The following MUC4 variants were observed in gnomAD, a reference collection of about 807,000 sequenced individuals.
MUC4 encodes the protein mucin 4, cell surface associated, also known as mucin-4.
MUC4 carries 202 observed loss-of-function variants against 257.9 expected under a neutral mutation model. The observed-to-expected ratio is 0.78, with a 90% confidence interval of 0.70 to 0.88. The LOEUF is 0.88. Ranked by LOEUF, MUC4 falls within the 40% of genes least tolerant of loss-of-function variation. The probability of loss-of-function intolerance (pLI) is 0.00; values close to 1 mark genes in which losing one functional copy is unlikely to be tolerated. For synonymous variants in MUC4, 2,351 were observed against 2,757.1 expected (o/e 0.85, Z 4.62); for missense variants, 5,976 against 6,513.7 (o/e 0.92, Z 2.84).
chr3:195,784,903 A>G lies in MUC4; in HGVS notation c.6677T>C (p.Leu2226Pro), dbSNP rs365279. The change falls in exon 2 of 25, where the codon CTT (leucine) becomes CCT (proline). Residue 2226 changes from leucine (L) to proline (P), a missense_variant. This residue lies in a region of MUC4 where 85 missense variants were observed against 325.0 expected (regional missense o/e 0.26). Coordinates refer to ENST00000463781, the MANE Select transcript of MUC4 (RefSeq NM_018406.7). The part of the protein sequence containing the change: ...SASTGHAIPL[L>P]VTDTSSASTG... ...GGATGCTGAGGAAGTGTCGGTGACA[A>G]GAAGAGGGATGGCGTGACCTGTGGA... 3.5e-3 allele frequency: 4,044 copies of G among 1,163,578 alleles called. 531 individuals are homozygous for G. In the African/African-American group the frequency reaches 0.11, roughly 30 times the overall value. The allele number at this position is 1,163,578 out of a possible 1,614,324, so 72.1% of individuals were successfully genotyped here.
At chr3:195,795,672 A>G (rs1037948276) in intron 1 of MUC4, among the ~76,000 whole-genome samples, 11 of 152,138 alleles carry the variant, frequency 7.2e-5, no homozygotes, top group Non-Finnish European at 1.5e-4. Flanking sequence ...TGGAACCGCC[A>G]GCAAAAAAGG....
Position 195,791,091 on chromosome 3 carries a change from G to C in MUC4, c.489C>G (p.Thr163=), listed in dbSNP as rs1297761954. ...ETSTAGTESS[T]PVTSAVSITA... ...TTATTGAGACTGCTGAGGTCACTGGGGTAGAACTTTCAGTTCCTGCTGTTG... is the reference window on the plus strand; with the variant it reads ...TTATTGAGACTGCTGAGGTCACTGGCGTAGAACTTTCAGTTCCTGCTGTTG... The change falls in exon 2 of 25, where the codon ACC becomes ACG. Residue 163 remains threonine (T), a synonymous_variant. Coordinates refer to ENST00000463781, the MANE Select transcript of MUC4 (RefSeq NM_018406.7). The C allele has an allele frequency of 1.2e-6, 2 of 1,613,166 alleles. No homozygotes were observed. The highest frequency in any genetic ancestry group is 1.3e-5 in the African/African-American group (1 of 74,634).
chr3:195,780,046 A>C lies in MUC4; in HGVS notation c.11534T>G (p.Ile3845Ser), dbSNP rs150128295. The C allele has an allele frequency of 0.04, 15,528 of 384,988 alleles. 3,853 individuals carry two copies. The highest frequency in any genetic ancestry group is 0.23 in the East Asian group (1,090 of 4,642). 23.8% of individuals were successfully genotyped at this position (384,988 alleles called of 1,614,324 possible). A position where few individuals can be genotyped will look rare whatever the true frequency, so the allele number is the denominator to read the frequency against. Residue 3845 changes from isoleucine (I) to serine (S), a missense_variant, in exon 2 of 25, where the codon ATC becomes AGC. Ile to Ser is a moderately radical substitution (Grantham distance 142, BLOSUM62 -2). Transcript: ENST00000463781. ...GTCACCTGTGGATACTGAGGAAGGG[A>C]TGGTGACAGGAAGAGGGGTGGCGTG... Reference protein sequence around the residue: ...TGHATPLPVTIPSSVSTGDTM... With the variant: ...TGHATPLPVTSPSSVSTGDTM...
At chr3:195,778,075 C>T (rs981561436) in intron 3 of MUC4, among the ~76,000 whole-genome samples, 9 of 152,232 alleles carry the variant, frequency 5.9e-5, no homozygotes, top group African/African-American at 2.2e-4. Context: ...GCTACCGGAC[C>T]GTCCATCTAT....
At chr3:195,768,391 A>G (rs911183046) in intron 7 of MUC4, among the ~76,000 whole-genome samples, 2 of 152,168 alleles carry the variant, frequency 1.3e-5, no homozygotes, top group Non-Finnish European at 2.9e-5. Flanking sequence ...CACACACGGG[A>G]ATCCACATTT....
At chr3:195,768,977 C>A in intron 7 of MUC4, 45 bp downstream of exon 7, 1 of 1,588,736 alleles carries the variant, frequency 6.3e-7, no homozygotes. Context: ...GACTCTACAC[C>A]CCTCCCTGCC....
intron 1 of MUC4, among the ~76,000 whole-genome samples, chr3:195,802,104 C>G (rs1028209559): frequency 6.6e-6 from 1 of 152,224 alleles, no homozygotes; most frequent in Non-Finnish European, 1.5e-5. Context: ...GATTTCCTGC[C>G]TAGCTCATGC....
At position 195,760,873 on chromosome 3, in the gene MUC4, G is replaced by A. The variant is rs114303284; in HGVS notation, c.14848+11C>T. ...CTCTGAAAAGGCCTCCCCAGGCCTC[G>A]GGCCACTTACTGAGGGTGGCGTTCG... On this transcript the variant is annotated intron_variant, in intron 16 of 24. Coordinates refer to ENST00000463781, the MANE Select transcript of MUC4 (RefSeq NM_018406.7). The A allele has an allele frequency of 2.7e-3, 4,405 of 1,612,678 alleles. 90 individuals carry two copies. In the African/African-American group the frequency reaches 0.052, roughly 19 times the overall value.
chr3:195,780,424 G>C lies in MUC4; in HGVS notation c.11156C>G (p.Ser3719Cys). 6.5e-6 allele frequency: 10 copies of C among 1,543,142 alleles called. No individual in the cohort carries two copies. Among genetic ancestry groups the C allele is most frequent in the Non-Finnish European group, 8.7e-6 (10 of 1,146,988 alleles). ...GGTGACGTGACCTGTAGATACTGAG[G>C]AAGTGCTGGTGACAGGAAGAGGGGT... ...HTTPLPVTST[S>C]SVSTGHVTPL... Residue 3719 changes from serine to cysteine, a missense_variant, in exon 2 of 25, where the codon TCC becomes TGC. By Grantham distance (112) the Ser-to-Cys change is moderately radical. Coordinates refer to ENST00000463781, the MANE Select transcript of MUC4 (RefSeq NM_018406.7).
In MUC4 at chr3:195,757,398, G is replaced by A. The variant is rs796636788; in HGVS notation, c.14987-70C>T. 9.8e-5 allele frequency: 142 copies of A among 1,444,920 alleles called. No individual in the cohort carries two copies. The highest frequency in any genetic ancestry group is 1.2e-4 in the Non-Finnish European group (128 of 1,061,470). The allele number at this position is 1,444,920 out of a possible 1,614,324, so 89.5% of individuals were successfully genotyped here. A position where few individuals can be genotyped will look rare whatever the true frequency, so the allele number is the denominator to read the frequency against. ...GGCTCTGTGGTCTGATTGCTGATAC[G>A]GGGCTTCCCCCACCCCTCTCAGGCC... On this transcript the variant is annotated intron_variant, in intron 17 of 24. Transcript: ENST00000463781. The surrounding 1 kb of genome is among the most constrained non-coding windows in gnomAD (Gnocchi z 4.8).
Position 195,789,481 on chromosome 3 carries a change from G to C in MUC4, c.2099C>G (p.Thr700Ser). 2 of 1,613,998 alleles carry C rather than the reference G, an allele frequency of 1.2e-6. No homozygotes were observed. The highest frequency in any genetic ancestry group is 4.5e-5 in the East Asian group (2 of 44,888). Residue 700 changes from threonine to serine, a missense_variant, in exon 2 of 25, where the codon ACC becomes AGC. Coordinates refer to ENST00000463781, the MANE Select transcript of MUC4 (RefSeq NM_018406.7). The stretch of plus-strand genomic sequence containing the variant: ...GGCCTGGGTTGTGTGACCATCCCCG[G>C]TGGGAGCTGGGGCAAAGGTTGTTGC... Reference protein sequence around the residue: ...SAATTFAPAPTGDGHTTQAPT... With the variant: ...SAATTFAPAPSGDGHTTQAPT...
At chr3:195,758,303 A>T (rs971209273) in intron 17 of MUC4, among the ~76,000 whole-genome samples, 6 of 152,126 alleles carry the variant, frequency 3.9e-5, no homozygotes, top group African/African-American at 7.2e-5. Flanking sequence ...ATGGCACTCT[A>T]CTGGGTCCTA....
chr3:195,778,664 C>T lies in MUC4; in HGVS notation c.12790+126G>A, dbSNP rs1219318413. The T allele has an allele frequency of 6.2e-6, 8 of 1,298,370 alleles. No individual in the cohort carries two copies. In the East Asian group the frequency reaches 7.6e-5, roughly 12 times the overall value. 80.4% of individuals were successfully genotyped at this position (1,298,370 alleles called of 1,614,324 possible). ...TCACCCACCACACCCATCACCTCCT[C>T]CCCTGTGGGACCTGACACGGCCCCA... is the stretch of plus-strand genomic sequence containing the variant. On this transcript the variant is annotated intron_variant, in intron 2 of 24. Coordinates refer to ENST00000463781, the MANE Select transcript of MUC4 (RefSeq NM_018406.7).
chr3:195,774,865 A>C (rs1473392215), intron 3 of MUC4, among the ~76,000 whole-genome samples: 6 of 143,898 alleles, frequency 4.2e-5, no homozygotes, highest in African/African-American at 1.6e-4. Context: ...GCGCCACTGC[A>C]CTCCAGCCTG....
rs768351677 is a variant in MUC4 at position 195,765,246 on chromosome 3, T to TG, written c.13798+23dup. Reference sequence around the variant, plus strand: ...GCAGAGAGGGTGGTGGGTGGGCTTGTGGGGGGCGGGAAGGAGGTGTCACCT... The same window carrying TG: ...GCAGAGAGGGTGGTGGGTGGGCTTGTGGGGGGGCGGGAAGGAGGTGTCACCT... On this transcript the variant is annotated intron_variant, in intron 9 of 24. Coordinates refer to ENST00000463781, the MANE Select transcript of MUC4 (RefSeq NM_018406.7). The TG allele has an allele frequency of 1.6e-5, 24 of 1,515,144 alleles. No homozygotes were observed. In the African/African-American group the frequency reaches 3.0e-4, roughly 19 times the overall value. The allele number at this position is 1,515,144 out of a possible 1,614,324, so 93.9% of individuals were successfully genotyped here.
In MUC4 at chr3:195,787,224, A is replaced by T. The variant is rs1732577830; in HGVS notation, c.4356T>A (p.Gly1452=). 1 of 513,288 alleles carries T rather than the reference A, an allele frequency of 1.9e-6. No individual in the cohort carries two copies. The highest frequency in any genetic ancestry group is 2.0e-5 in the South Asian group (1 of 50,928). The allele number at this position is 513,288 out of a possible 1,614,324, so 31.8% of individuals were successfully genotyped here. A position where few individuals can be genotyped will look rare whatever the true frequency, so the allele number is the denominator to read the frequency against. Residue 1452 remains glycine, a synonymous_variant, in exon 2 of 25, where the codon GGT becomes GGA. Transcript: ENST00000463781. ...PVTIPSAAST[G]HTTPLPVTDT... ...CGGTGACAGGAAGAGGGGTGGTGTG[A>T]CCTGTGGATGCTGCGGAAGGGATGG... is the stretch of plus-strand genomic sequence containing the variant.
Position 195,748,921 on chromosome 3 carries a change from G to C in MUC4, c.16015C>G (p.Pro5339Ala). Residue 5339 changes from proline to alanine, a missense_variant, in exon 24 of 25, where the codon CCC becomes GCC. By Grantham distance (27) the Pro-to-Ala change is conservative. Coordinates refer to ENST00000463781, the MANE Select transcript of MUC4 (RefSeq NM_018406.7). ...ATGCACCTGCAGCGGGGCCCACTGG[G>C]CAGGTGCTGGCACTGGCCTCCATGG... ...CDHGGQCQHL[P>A]SGPRCSCVSF... 1 of 1,589,178 alleles carries C rather than the reference G, an allele frequency of 6.3e-7. No homozygotes were observed. The highest frequency in any genetic ancestry group is 8.6e-7 in the Non-Finnish European group (1 of 1,168,050).
chr3:195,751,323 GA>G lies in MUC4; in HGVS notation c.15583-53del, dbSNP rs758741902. On this transcript the variant is annotated intron_variant, in intron 21 of 24. Coordinates refer to ENST00000463781, the MANE Select transcript of MUC4 (RefSeq NM_018406.7). ...TGGGGGTGAGGCCCCATCCGGGGGGGAGACGCCCTCCCACCTTGATGGGTGT... is the reference window on the plus strand; with the variant it reads ...TGGGGGTGAGGCCCCATCCGGGGGGGGACGCCCTCCCACCTTGATGGGTGT... The G allele has an allele frequency of 2.8e-5, 39 of 1,384,646 alleles. No individual in the cohort carries two copies. The African/African-American group carries it at 5.1e-4, about 18-fold the overall frequency. The allele number at this position is 1,384,646 out of a possible 1,614,324, so 85.8% of individuals were successfully genotyped here. A position where few individuals can be genotyped will look rare whatever the true frequency, so the allele number is the denominator to read the frequency against.
At position 195,751,045 on chromosome 3, in the gene MUC4, G is replaced by T; in HGVS notation, c.15715C>A (p.Arg5239Ser). ...AAGTCAATGACCGGGCCCCGAGGGC[G>T]GTACTGGAACTCCGAGATGACCATC... ...HWMVISEFQY[R>S]PRGPVIDFLN... is the part of the protein sequence containing the mutation. The change falls in exon 23 of 25, where the codon CGC (arginine) becomes AGC (serine). Residue 5239 changes from arginine (R) to serine (S), a missense_variant. Around this residue, in one of 44 missense-constraint regions of MUC4, gnomAD observed 310 missense variants for 242.1 expected, o/e 1.28. Transcript: ENST00000463781. The T allele has an allele frequency of 1.2e-6, 2 of 1,613,478 alleles. No homozygotes were observed. The highest frequency in any genetic ancestry group is 1.7e-6 in the Non-Finnish European group (2 of 1,179,872).
Sources: allele counts gnomAD v4.1 joint callset (sites outside exome capture counted in the v4.1 genomes callset), GRCh38; gene constraint gnomAD v4.1.1; regional missense constraint gnomAD v4.1.1; non-coding constraint Gnocchi (gnomAD v3.1); transcripts MANE v1.5; gene names NCBI Gene and HGNC (gene_info 2026-07-23, HGNC 2026-07-21).